POPDC2: variants seen among roughly 807,000 people sequenced by gnomAD.
POPDC2 encodes the protein popeye domain-containing protein 2.
In POPDC2, 24 loss-of-function variants were observed where a neutral mutation model predicts 30.5. The observed-to-expected ratio is 0.79, with a 90% CI of 0.57 to 1.11. POPDC2 has a LOEUF of 1.11. Ranked by LOEUF, POPDC2 falls within the 50% of genes least tolerant of loss-of-function variation. The pLI, the probability that POPDC2 is intolerant of heterozygous loss-of-function variation, is 0.00. For synonymous variants in POPDC2, 185 were observed against 183.3 expected (o/e 1.01, Z -0.07); for missense variants, 409 against 447.0 (o/e 0.91, Z 0.77).
intron 1 of POPDC2, among the ~76,000 whole-genome samples, chr3:119,659,000 C>T (rs1350149919): frequency 1.3e-5 from 2 of 150,564 alleles, no homozygotes; most frequent in African/African-American, 4.9e-5. Flanking sequence ...CTCAAGAAAG[C>T]TGGTGGAGTG....
intron 2 of POPDC2, among the ~76,000 whole-genome samples, chr3:119,651,743 A>T (rs888866107): frequency 2.6e-5 from 4 of 151,132 alleles, no homozygotes; most frequent in Non-Finnish European, 5.9e-5. Context: ...TCAAGCAATT[A>T]TCCTTCCTCA....
In POPDC2 at chr3:119,648,439, T is replaced by A; in HGVS notation, c.830A>T (p.Asp277Val). 6.2e-7 allele frequency: 1 copy of A among 1,614,084 alleles called. No individual in the cohort carries two copies. Among genetic ancestry groups the A allele is most frequent in the Non-Finnish European group, 8.5e-7 (1 of 1,180,004 alleles). Reference sequence around the variant, plus strand: ...ACCCTTCTCGGACTCTGGTCCAGCATCTGCAGCAGTGGGACCCAGGACATG... The same window carrying A: ...ACCCTTCTCGGACTCTGGTCCAGCAACTGCAGCAGTGGGACCCAGGACATG... ...LYHVLGPTAA[D>V]AGPESEKGDE... is the part of the protein sequence containing the mutation. Residue 277 changes from aspartate to valine, a missense_variant, in exon 3 of 4, where the codon GAT (aspartate) becomes GTT (valine). Transcript: ENST00000493094.
At chr3:119,648,011 G>T in intron 3 of POPDC2, 108 bp downstream of exon 3, 1 of 912,572 alleles carries the variant, frequency 1.1e-6, no homozygotes, top group Non-Finnish European at 1.6e-6. Flanking sequence ...CACTTTCTGT[G>T]AGTCCTCTAA....
chr3:119,655,002 T>C (rs930678105), intron 1 of POPDC2, among the ~76,000 whole-genome samples: 4 of 152,198 alleles, frequency 2.6e-5, no homozygotes, highest in Non-Finnish European at 4.4e-5. Flanking sequence ...GTGATTCTAA[T>C]GTGTAGCCAA....
chr3:119,655,300 C>A (rs899582257), intron 1 of POPDC2, among the ~76,000 whole-genome samples: 1 of 152,168 alleles, frequency 6.6e-6, no homozygotes, highest in African/African-American at 2.4e-5. Context: ...GCACTCCAGC[C>A]TGGGCAAAAG....
chr3:119,646,176 G>A (rs1305094752), intron 3 of POPDC2, among the ~76,000 whole-genome samples: 1 of 152,094 alleles, frequency 6.6e-6, no homozygotes, highest in African/African-American at 2.4e-5. Flanking sequence ...GGGGTACAGG[G>A]TGTTTAGGAG....
intron 3 of POPDC2, chr3:119,643,316 G>A: frequency 5.0e-6 from 6 of 1,198,706 alleles, no homozygotes; most frequent in Non-Finnish European, 7.1e-6. Context: ...AGCTATTCAG[G>A]GGCTAAAGAG....
rs184698557 is a variant in POPDC2 at position 119,657,208 on chromosome 3, C to T, written c.492-2595G>A. The stretch of plus-strand genomic sequence containing the variant: ...TGCTTTCTTCTCTTCCTTAATGGTG[C>T]TAGATTTTAACTGGACACATGACTG... On this transcript the variant is annotated intron_variant, in intron 1 of 3. Transcript: ENST00000493094. Among the ~76,000 whole-genome samples, 662 of 152,272 alleles carry T rather than the reference C, an allele frequency of 4.3e-3. 4 individuals are homozygous for T. The highest frequency in any genetic ancestry group is 0.015 in the African/African-American group (633 of 41,526).
intron 2 of POPDC2, among the ~76,000 whole-genome samples, chr3:119,649,270 T>C (rs1250261052): frequency 2.0e-5 from 3 of 152,048 alleles, no homozygotes; most frequent in African/African-American, 7.3e-5. Flanking sequence ...AAGGATCTGA[T>C]GACTGAAATC....
chr3:119,649,955 C>T (rs904948090), intron 2 of POPDC2, among the ~76,000 whole-genome samples: 1 of 152,298 alleles, frequency 6.6e-6, no homozygotes, highest in East Asian at 1.9e-4. Context: ...CATGTTTCAG[C>T]TTTACCTCTA....
intron 1 of POPDC2, among the ~76,000 whole-genome samples, chr3:119,656,655 G>T (rs1375919681): frequency 6.6e-6 from 1 of 152,176 alleles, no homozygotes; most frequent in East Asian, 1.9e-4. Context: ...TTAGAATCCA[G>T]TATGGGCTTT....
rs1424106294 is a variant in POPDC2, at chr3:119,648,585, G to A, written c.684C>T (p.Tyr228=). The A allele has an allele frequency of 6.2e-7, 1 of 1,614,150 alleles. No homozygotes were observed. The highest frequency in any genetic ancestry group is 1.7e-5 in the Admixed American group (1 of 60,024). The part of the protein sequence containing the change: ...SLHLLLTKER[Y]ISCLFSALLG... ...GCAGAGCCGAGAAGAGGCAGGAGAT[G>A]TATCGCTCTTTGGTCAGAAGAAGAT... The change falls in exon 3 of 4, where the codon TAC becomes TAT. Residue 228 remains tyrosine, a synonymous_variant. Coordinates refer to ENST00000493094, the MANE Select transcript of POPDC2 (RefSeq NM_001369919.2).
In POPDC2 at chr3:119,660,083, G is replaced by A. The variant is rs775341056; in HGVS notation, c.341C>T (p.Thr114Met). The change falls in exon 1 of 4, where the codon ACG (threonine) becomes ATG (methionine). Residue 114 changes from threonine (T) to methionine (M), a missense_variant. Transcript: ENST00000493094. The part of the protein sequence containing the change: ...LPEEFDLLYK[T>M]LCLPLQVPLQ... ...GGGCACCTGCAAGGGCAGGCACAGC[G>A]TCTTGTAGAGGAGGTCAAACTCCTC... 62 of 1,614,104 alleles carry A rather than the reference G, an allele frequency of 3.8e-5. No individual in the cohort carries two copies. The highest frequency in any genetic ancestry group is 3.3e-4 in the Middle Eastern group (2 of 6,084).
intron 1 of POPDC2, among the ~76,000 whole-genome samples, chr3:119,656,748 A>G (rs2052883822): frequency 6.6e-6 from 1 of 152,196 alleles, no homozygotes. Flanking sequence ...ATATCAGGCA[A>G]TAGGGGTGCC....
chr3:119,654,962 C>G (rs2052863120), intron 1 of POPDC2, among the ~76,000 whole-genome samples: 1 of 152,206 alleles, frequency 6.6e-6, no homozygotes. Context: ...TAGGTAGGAA[C>G]TGGATATTAT....
intron 2 of POPDC2, among the ~76,000 whole-genome samples, chr3:119,651,827 G>T (rs1230355332): frequency 6.6e-6 from 1 of 152,060 alleles, no homozygotes; most frequent in Non-Finnish European, 1.5e-5. Flanking sequence ...ATAGAGATGG[G>T]GTTTCACCAT....
At position 119,642,520 on chromosome 3, in the gene POPDC2, T is replaced by G. The variant is rs1207020266; in HGVS notation, c.*85A>C. 6.2e-7 allele frequency: 1 copy of G among 1,613,372 alleles called. No individual in the cohort carries two copies. Among genetic ancestry groups the G allele is most frequent in the Non-Finnish European group, 8.5e-7 (1 of 1,179,414 alleles). On this transcript the variant is annotated 3_prime_UTR_variant, in exon 4 of 4. Transcript: ENST00000493094. ...GTTGGAGCCAAAGGGGCCTGTCCCC[T>G]GGATATAACTTGAGAGTAGCTCTGG...
chr3:119,653,701 T>C (rs1490642766), intron 2 of POPDC2, among the ~76,000 whole-genome samples: 1 of 152,118 alleles, frequency 6.6e-6, no homozygotes, highest in Non-Finnish European at 1.5e-5. Flanking sequence ...ATGGTCTCGA[T>C]CTCCTGACCT....
intron 2 of POPDC2, among the ~76,000 whole-genome samples, chr3:119,652,996 C>T (rs2052829625): frequency 6.6e-6 from 1 of 151,564 alleles, no homozygotes; most frequent in South Asian, 2.1e-4. Context: ...AGCAAACTAT[C>T]CAGGCAGGGG....
Sources: gnomAD v4.1 joint callset for allele counts (sites outside exome capture counted in the v4.1 genomes callset) on GRCh38, gnomAD v4.1.1 for gene constraint, MANE v1.5 for transcripts, NCBI Gene and HGNC (gene_info 2026-07-23, HGNC 2026-07-21) for gene names.